OSBPL5: variants seen among roughly 807,000 people sequenced by gnomAD.
OSBPL5 encodes oxysterol binding protein like 5.
A neutral mutation model predicts 111.2 loss-of-function variants in OSBPL5; 71 were observed. The ratio of observed to expected loss-of-function variants is 0.64; its 90% CI spans 0.53 to 0.78. The LOEUF is 0.78. Among genes scored for constraint, OSBPL5 ranks in the 30% least tolerant of loss-of-function variants. OSBPL5 has a pLI of 0.00. For synonymous variants in OSBPL5, 549 were observed against 513.9 expected, an observed-to-expected ratio of 1.07 and a Z score of -0.93; for missense variants, 1,210 against 1,189.3, an observed-to-expected ratio of 1.02 and a Z score of -0.26.
At chr11:3,139,321 T>C (rs1390172656) in intron 1 of OSBPL5, among the ~76,000 whole-genome samples, 3 of 152,164 alleles carry the variant, frequency 2.0e-5, no homozygotes, top group African/African-American at 7.2e-5. Context: ...TGGCCAAGCC[T>C]GCTGGGGTCT....
intron 1 of OSBPL5, among the ~76,000 whole-genome samples, chr11:3,148,496 G>A (rs1210770833): frequency 6.6e-6 from 1 of 152,256 alleles, no homozygotes; most frequent in African/African-American, 2.4e-5. Flanking sequence ...AGAGAGGAAC[G>A]GAGGTGAGTG....
At chr11:3,138,277 C>T (rs994590592) in intron 1 of OSBPL5, among the ~76,000 whole-genome samples, 5 of 152,312 alleles carry the variant, frequency 3.3e-5, no homozygotes, top group Admixed American at 6.5e-5. Flanking sequence ...GGCATGGGGG[C>T]GGGCTGGGCG....
rs759071015 is a variant in OSBPL5 at position 3,105,816 on chromosome 11, C to T, written c.1060-1439G>A. Among the ~76,000 whole-genome samples the T allele has an allele frequency of 3.3e-5, 5 of 152,318 alleles. No homozygotes were observed. The highest frequency in any genetic ancestry group is 4.1e-4 in the South Asian group (2 of 4,834). On this transcript the variant is annotated intron_variant, in intron 9 of 21. Transcript: ENST00000263650. The surrounding 1 kb of genome is among the most constrained non-coding windows in gnomAD (Gnocchi z 5.2). The stretch of plus-strand genomic sequence containing the variant: ...CCCCAGGCTCGCACCTGCAGCAGCC[C>T]GCTCTGCCTGGCTCACAGCAGCGTC...
intron 1 of OSBPL5, among the ~76,000 whole-genome samples, chr11:3,137,216 A>G (rs1488014608): frequency 2.0e-5 from 3 of 152,238 alleles, no homozygotes; most frequent in Non-Finnish European, 4.4e-5. Flanking sequence ...GAGAGCAGAC[A>G]GCAGCATAAG....
chr11:3,099,380 CAGTT>C (rs899524753), intron 14 of OSBPL5, among the ~76,000 whole-genome samples: 11 of 152,268 alleles, frequency 7.2e-5, no homozygotes, highest in East Asian at 1.9e-4. Context: ...ACTGTGTACT[CAGTT>C]AGTAACAATG....
At position 3,155,867 on chromosome 11, in the gene OSBPL5, C is replaced by A. The variant is rs1846742571; in HGVS notation, c.-22+9349G>T. ...GTGGTTTCAGCAAGGGGTTGCTGTGCTGGAACCGGCTGTGAGCAGACCTGC... is the reference window on the plus strand; with the variant it reads ...GTGGTTTCAGCAAGGGGTTGCTGTGATGGAACCGGCTGTGAGCAGACCTGC... On this transcript the variant is annotated intron_variant, in intron 1 of 21. Transcript: ENST00000263650. Among the ~76,000 whole-genome samples the A allele has an allele frequency of 2.0e-5, 3 of 152,244 alleles. No homozygotes were observed. The South Asian group carries it at 6.2e-4, about 32-fold the overall frequency.
chr11:3,091,908 G>C (rs371878602), intron 19 of OSBPL5, among the ~76,000 whole-genome samples: 1 of 152,130 alleles, frequency 6.6e-6, no homozygotes, highest in South Asian at 2.1e-4. Flanking sequence ...CGGCTGGGGC[G>C]GTGCAGCTCA....
At chr11:3,163,464 C>T (rs2078239) in intron 1 of OSBPL5, among the ~76,000 whole-genome samples, 78,100 of 148,616 alleles carry the variant, frequency 0.53, 21,110 homozygotes, top group African/African-American at 0.62. Context: ...AGGCCAGGAT[C>T]TCAGGAGAGA....
chr11:3,090,048 C>CTG, intron 20 of OSBPL5, 100 bp from the exon 21 acceptor site: 1 of 856,084 alleles, frequency 1.2e-6, no homozygotes, highest in South Asian at 1.8e-5. Context: ...TCATATCCAG[C>CTG]TCGGGCCTCC....
rs549161915 is a variant in OSBPL5, at chr11:3,159,765, C to G, written c.-22+5451G>C. Among the ~76,000 whole-genome samples the G allele has an allele frequency of 7.2e-5, 11 of 152,268 alleles. No homozygotes were observed. The South Asian group carries it at 8.3e-4, about 11-fold the overall frequency. ...GTGGCTGGAGGGTGGAAACCTTTGACTGGCAGCCCATAGGGGTGGGGTAGG... is the reference window on the plus strand; with the variant it reads ...GTGGCTGGAGGGTGGAAACCTTTGAGTGGCAGCCCATAGGGGTGGGGTAGG... On this transcript the variant is annotated intron_variant, in intron 1 of 21. Transcript: ENST00000263650.
intron 10 of OSBPL5, among the ~76,000 whole-genome samples, chr11:3,103,534 G>A (rs1258312743): frequency 6.6e-6 from 1 of 152,200 alleles, no homozygotes; most frequent in Admixed American, 6.5e-5. Flanking sequence ...TCCCACGCTG[G>A]GGCAGAGAGG....
chr11:3,120,034 C>T (rs1328329281), intron 6 of OSBPL5: 2 of 413,176 alleles, frequency 4.8e-6, no homozygotes, highest in Non-Finnish European at 8.8e-6. Context: ...CTCTGAAATC[C>T]AAATGTAACC....
intron 11 of OSBPL5, 46 bp downstream of exon 11, chr11:3,103,191 CAG>C (rs2134410541): frequency 6.6e-7 from 1 of 1,524,800 alleles, no homozygotes; most frequent in African/African-American, 1.4e-5. Flanking sequence ...GCTGAGCAGA[CAG>C]ACTCCTGGGC....
At position 3,161,667 on chromosome 11, in the gene OSBPL5, G is replaced by A. The variant is rs981269003; in HGVS notation, c.-22+3549C>T. ...GGGACAGATGCCACGCACCAGCGGC[G>A]CCCACCATGAACCTGGCTTGGCCCA... On this transcript the variant is annotated intron_variant, in intron 1 of 21. Coordinates refer to ENST00000263650, the MANE Select transcript of OSBPL5 (RefSeq NM_020896.4). The surrounding 1 kb of genome is among the most constrained non-coding windows in gnomAD (Gnocchi z 8.0). Among the ~76,000 whole-genome samples, 6 of 152,284 alleles carry A rather than the reference G, an allele frequency of 3.9e-5. No individual in the cohort carries two copies. In the South Asian group the frequency reaches 6.2e-4, roughly 16 times the overall value.
At chr11:3,112,967 T>G (rs1000674810) in intron 7 of OSBPL5, among the ~76,000 whole-genome samples, 3 of 152,150 alleles carry the variant, frequency 2.0e-5, no homozygotes, top group Non-Finnish European at 4.4e-5. Flanking sequence ...AAAAAAAAAT[T>G]TTTATAAACC....
In OSBPL5 at chr11:3,100,167, G is replaced by C; in HGVS notation, c.1612C>G (p.His538Asp). The C allele has an allele frequency of 6.2e-7, 1 of 1,614,080 alleles. No individual in the cohort carries two copies. Among genetic ancestry groups the C allele is most frequent in the Non-Finnish European group, 8.5e-7 (1 of 1,179,986 alleles). The part of the protein sequence containing the change: ...EDYTLTMPYA[H>D]CKGILYGTMT... ...TGGCTGAGCCTCTCACCTTTGCAGT[G>C]GGCGTAGGGCATGGTAAGGGTGTAA... is the stretch of plus-strand genomic sequence containing the variant. The change falls in exon 14 of 22, where the codon CAC (histidine) becomes GAC (aspartate). Residue 538 changes from histidine to aspartate, a missense_variant. His to Asp is a moderately conservative substitution (Grantham distance 81). Transcript: ENST00000263650.
Position 3,093,710 on chromosome 11 carries a change from G to A in OSBPL5, c.1809+36C>T, listed in dbSNP as rs373728982. The A allele has an allele frequency of 6.0e-5, 96 of 1,612,460 alleles. No individual in the cohort carries two copies. In the Middle Eastern group the frequency reaches 9.9e-4, roughly 17 times the overall value. On this transcript the variant is annotated intron_variant, in intron 16 of 21. Transcript: ENST00000263650. Reference sequence around the variant, plus strand: ...GTCAGAGGCTGGCCTGGCGTTGACCGCCCGGCCGTGCCTGCCCTGAGGGAC... The same window carrying A: ...GTCAGAGGCTGGCCTGGCGTTGACCACCCGGCCGTGCCTGCCCTGAGGGAC...
chr11:3,094,173 G>T, intron 15 of OSBPL5, 64 bp downstream of exon 15: 2 of 1,488,640 alleles, frequency 1.3e-6, no homozygotes, highest in Non-Finnish European at 1.8e-6. Flanking sequence ...GAGAGTGTGA[G>T]GGGGATCCCC....
intron 1 of OSBPL5, among the ~76,000 whole-genome samples, chr11:3,158,792 T>C (rs1376545818): frequency 6.6e-6 from 1 of 152,166 alleles, no homozygotes; most frequent in Non-Finnish European, 1.5e-5. Flanking sequence ...ATCCTCAAGA[T>C]ATAAAACAGC....
Sources: allele counts gnomAD v4.1 joint callset (sites outside exome capture counted in the v4.1 genomes callset), GRCh38; gene constraint gnomAD v4.1.1; non-coding constraint Gnocchi (gnomAD v3.1); transcripts MANE v1.5; gene names NCBI Gene and HGNC (gene_info 2026-07-23, HGNC 2026-07-21).